Variants in GSDMA observed in about 807,000 individuals in gnomAD.
GSDMA encodes gasdermin A, also known as gasdermin-A.
Under a neutral mutation model 54.3 loss-of-function variants are expected in GSDMA, and 55 were observed. The ratio of observed to expected loss-of-function variants is 1.01; its 90% CI spans 0.82 to 1.27. The LOEUF is 1.27. Ranked by LOEUF, GSDMA falls within the 50% of genes most tolerant of loss-of-function variation. GSDMA has a pLI of 0.00. For missense variants in GSDMA, 542 were observed against 542.6 expected (o/e 1.00, Z 0.01); for synonymous variants, 211 against 224.7 (o/e 0.94, Z 0.54).
At chr17:39,964,138 G>A (rs1979528846) in intron 1 of GSDMA, among the ~76,000 whole-genome samples, 1 of 152,170 alleles carries the variant, frequency 6.6e-6, no homozygotes, top group African/African-American at 2.4e-5. Flanking sequence ...CACAGATACA[G>A]TCACCAGCTG....
Position 39,974,273 on chromosome 17 carries a change from G to A in GSDMA, c.752G>A (p.Gly251Glu), listed in dbSNP as rs374002468. Residue 251 changes from glycine to glutamate, a missense_variant and splice_region_variant, in exon 9 of 12, where the codon GGG becomes GAG. Coordinates refer to ENST00000301659, the MANE Select transcript of GSDMA (RefSeq NM_178171.5). Reference protein sequence around the residue: ...KVILIQASDVGDVHEGFRTLK... With the variant: ...KVILIQASDVEDVHEGFRTLK... ...GTGTGTCCCATTATTGTCCCCATAG[G>A]GGACGTACACGAAGGCTTCAGGACA... is the stretch of plus-strand genomic sequence containing the variant. 9 of 1,608,726 alleles carry A rather than the reference G, an allele frequency of 5.6e-6. No homozygotes were observed. The highest frequency in any genetic ancestry group is 4.5e-5 in the East Asian group (2 of 44,836).
In GSDMA at chr17:39,971,638, T is replaced by C. The variant is rs932681491; in HGVS notation, c.655+18T>C. Reference sequence around the variant, plus strand: ...TGAGTGGGGTGAGCAGAGACCCGCATGTTCTCCCCACAAGATGAGAATTAC... The same window carrying C: ...TGAGTGGGGTGAGCAGAGACCCGCACGTTCTCCCCACAAGATGAGAATTAC... On this transcript the variant is annotated intron_variant, in intron 5 of 11. Transcript: ENST00000301659. 6.3e-7 allele frequency: 1 copy of C among 1,582,998 alleles called. No individual in the cohort carries two copies. Among genetic ancestry groups the C allele is most frequent in the East Asian group, 2.2e-5 (1 of 44,728 alleles).
chr17:39,972,713 G>C, intron 7 of GSDMA, 100 bp downstream of exon 7: 1 of 1,047,124 alleles, frequency 9.5e-7, no homozygotes. Flanking sequence ...GGAAATAGCA[G>C]AGCGAATCTC....
chr17:39,976,091 G>A (rs972007913), intron 11 of GSDMA, 94 bp downstream of exon 11: 9 of 833,474 alleles, frequency 1.1e-5, no homozygotes, highest in Admixed American at 2.3e-5. Context: ...CATTCTGGAG[G>A]ATCCCTGTCT....
At position 39,973,046 on chromosome 17, in the gene GSDMA, A is replaced by G. The variant is rs565450097; in HGVS notation, c.730+433A>G. Reference sequence around the variant, plus strand: ...GAGTGTAGTGGCGCAATCTCAGTCCACTGCAACCTCCACCTCCCCGGTTCA... The same window carrying G: ...GAGTGTAGTGGCGCAATCTCAGTCCGCTGCAACCTCCACCTCCCCGGTTCA... On this transcript the variant is annotated intron_variant, in intron 7 of 11. Coordinates refer to ENST00000301659, the MANE Select transcript of GSDMA (RefSeq NM_178171.5). 9.2e-5 allele frequency among the ~76,000 whole-genome samples: 14 copies of G among 152,108 alleles called. 1 individual carries two copies. The South Asian group carries it at 2.9e-3, about 32-fold the overall frequency.
Position 39,977,287 on chromosome 17 carries a change from CTTTTCTTTTTTT to C in GSDMA, c.*234_*245del. 1.4e-5 allele frequency: 4 copies of C among 295,704 alleles called. No homozygotes were observed. The highest frequency in any genetic ancestry group is 2.4e-5 in the Non-Finnish European group (4 of 167,686). 18.3% of individuals were successfully genotyped at this position (295,704 alleles called of 1,614,324 possible). On this transcript the variant is annotated 3_prime_UTR_variant, in exon 12 of 12. Transcript: ENST00000301659. ...TGATGCTTAAATTTTCTTTACTTTT[CTTTTCTTTTTTT>C]TTTTTTTTTTGAGATGGAGGCTCAC...
intron 9 of GSDMA, 73 bp from the exon 10 acceptor site, chr17:39,974,827 G>A (rs1278288863): frequency 1.8e-5 from 14 of 797,360 alleles, no homozygotes; most frequent in African/African-American, 3.5e-5. Context: ...ATGTCAAGGG[G>A]TTATTATGTG....
At chr17:39,971,933 T>C (rs71369798) in intron 5 of GSDMA, among the ~76,000 whole-genome samples, 196 bp from the exon 6 acceptor site, 3,756 of 151,958 alleles carry the variant, frequency 0.025, 158 homozygotes, top group African/African-American at 0.085. Flanking sequence ...TGATAGAAAG[T>C]AGTGTTCTCA....
Position 39,966,072 on chromosome 17 carries a change from G to A in GSDMA, c.214+171G>A, listed in dbSNP as rs543057225. ...CTGGTGGTCGGGGGGATACCTCTCAGCTCAGCCTCTTTTATTTATTTACTT... is the reference window on the plus strand; with the variant it reads ...CTGGTGGTCGGGGGGATACCTCTCAACTCAGCCTCTTTTATTTATTTACTT... On this transcript the variant is annotated intron_variant, in intron 2 of 11. Transcript: ENST00000301659. Among the ~76,000 whole-genome samples the A allele has an allele frequency of 3.6e-4, 55 of 152,262 alleles. No individual in the cohort carries two copies. The South Asian group carries it at 6.2e-3, about 17-fold the overall frequency.
chr17:39,969,075 G>C (rs1367251373), intron 3 of GSDMA, among the ~76,000 whole-genome samples: 4 of 152,142 alleles, frequency 2.6e-5, no homozygotes, highest in African/African-American at 9.7e-5. Flanking sequence ...AACTGTAGGA[G>C]CCAGGGGAGG....
intron 3 of GSDMA, among the ~76,000 whole-genome samples, chr17:39,969,607 GCA>G (rs1450977896): frequency 6.6e-6 from 1 of 152,166 alleles, no homozygotes; most frequent in Non-Finnish European, 1.5e-5. Flanking sequence ...ATCGAGTATT[GCA>G]CAGAGTTAGG....
Position 39,977,271 on chromosome 17 carries a change from A to T in GSDMA, c.*213A>T. 1 of 474,452 alleles carries T rather than the reference A, an allele frequency of 2.1e-6. No homozygotes were observed. Among genetic ancestry groups the T allele is most frequent in the Non-Finnish European group, 3.7e-6 (1 of 272,296 alleles). 29.4% of individuals were successfully genotyped at this position (474,452 alleles called of 1,614,324 possible). ...CACTAAGCCCATCTGCTGATGCTTAAATTTTCTTTACTTTTCTTTTCTTTT... is the reference window on the plus strand; with the variant it reads ...CACTAAGCCCATCTGCTGATGCTTATATTTTCTTTACTTTTCTTTTCTTTT... On this transcript the variant is annotated 3_prime_UTR_variant, in exon 12 of 12. Coordinates refer to ENST00000301659, the MANE Select transcript of GSDMA (RefSeq NM_178171.5).
intron 9 of GSDMA, 96 bp from the exon 10 acceptor site, chr17:39,974,802 GGA>G (rs1310526217): frequency 2.8e-6 from 2 of 712,240 alleles, no homozygotes; most frequent in African/African-American, 1.8e-5. Context: ...ATCAGGAAAT[GGA>G]GAGAGTTTCC....
intron 5 of GSDMA, 29 bp from the exon 6 acceptor site, chr17:39,972,100 T>TTGCCCCCCCCCCCCCCAAC: frequency 1.2e-6 from 1 of 835,098 alleles, no homozygotes; most frequent in Non-Finnish European, 2.0e-6. Flanking sequence ...CTAAGTGTCC[T>TTGCCCCCCCCCCCCCCAAC]CCCACCCTCC....
At chr17:39,971,793 G>A (rs561419055) in intron 5 of GSDMA, among the ~76,000 whole-genome samples, 173 bp downstream of exon 5, 9 of 152,282 alleles carry the variant, frequency 5.9e-5, no homozygotes, top group African/African-American at 2.2e-4. Context: ...AGAGGCTCCT[G>A]GATTCTGAGC....
chr17:39,966,534 A>T (rs918601531), intron 3 of GSDMA, 97 bp downstream of exon 3: 1 of 1,132,144 alleles, frequency 8.8e-7, no homozygotes, highest in African/African-American at 1.6e-5. Flanking sequence ...GGACCCTTGC[A>T]CTGACCTTTG....
Position 39,965,781 on chromosome 17 carries a change from C to T in GSDMA, c.94C>T (p.Arg32Cys), listed in dbSNP as rs751105190. 7 of 1,609,378 alleles carry T rather than the reference C, an allele frequency of 4.3e-6. No individual in the cohort carries two copies. The highest frequency in any genetic ancestry group is 2.2e-5 in the East Asian group (1 of 44,716). The stretch of plus-strand genomic sequence containing the variant: ...ACTTGACAGCCTCATCGACTTCAAG[C>T]GCTTCCATCCCTTCTGCCTGGTGCT... ...TPLDSLIDFK[R>C]FHPFCLVLRK... The change falls in exon 2 of 12, where the codon CGC becomes TGC. Residue 32 changes from arginine to cysteine, a missense_variant. Arg to Cys is a radical substitution (Grantham distance 180). Coordinates refer to ENST00000301659, the MANE Select transcript of GSDMA (RefSeq NM_178171.5).
At chr17:39,972,824 CT>C (rs1980016850) in intron 7 of GSDMA, among the ~76,000 whole-genome samples, 3 of 152,086 alleles carry the variant, frequency 2.0e-5, no homozygotes, top group Non-Finnish European at 2.9e-5. Flanking sequence ...CGCCTGAGAC[CT>C]TTGTCCTCAA....
chr17:39,974,210 G>T (rs1980089449), intron 8 of GSDMA, 63 bp from the exon 9 acceptor site: 2 of 1,502,412 alleles, frequency 1.3e-6, no homozygotes, highest in South Asian at 2.6e-5. Flanking sequence ...CCTGCAGGGG[G>T]AATGCTGACT....
Sources: allele counts gnomAD v4.1 joint callset (sites outside exome capture counted in the v4.1 genomes callset), GRCh38; gene constraint gnomAD v4.1.1; transcripts MANE v1.5; gene names NCBI Gene and HGNC (gene_info 2026-07-23, HGNC 2026-07-21).